Variants in DCAKD observed in about 807,000 individuals in gnomAD.
DCAKD encodes the protein dephospho-CoA kinase domain containing.
Under a neutral mutation model 18.7 loss-of-function variants are expected in DCAKD, and 15 were observed. The ratio of observed to expected loss-of-function variants is 0.80; its 90% CI spans 0.54 to 1.24. The LOEUF (loss-of-function observed/expected upper bound fraction) is 1.24. Ranked by LOEUF, DCAKD falls within the 50% of genes most tolerant of loss-of-function variation. The pLI is 0.00. For synonymous variants in DCAKD, 130 were observed against 133.0 expected (o/e 0.98, Z 0.16); for missense variants, 301 against 322.0 (o/e 0.93, Z 0.50).
chr17:45,035,928 C>A (rs1455135256), intron 1 of DCAKD, among the ~76,000 whole-genome samples: 4 of 152,204 alleles, frequency 2.6e-5, no homozygotes, highest in Non-Finnish European at 4.4e-5. Flanking sequence ...AGATGGGGAA[C>A]TGAGCCGCAA....
At position 45,034,731 on chromosome 17, in the gene DCAKD, G is replaced by A. The variant is rs762160202; in HGVS notation, c.112+43C>T. 5 of 1,595,814 alleles carry A rather than the reference G, an allele frequency of 3.1e-6. No homozygotes were observed. The African/African-American group carries it at 6.7e-5, about 21-fold the overall frequency. On this transcript the variant is annotated intron_variant, in intron 2 of 4. Transcript: ENST00000651974. ...GCATGGCAGAAGGCCGGAAGCGTGGGGAGCTGCTGTGCACGGCCCCCCAAC... is the reference window on the plus strand; with the variant it reads ...GCATGGCAGAAGGCCGGAAGCGTGGAGAGCTGCTGTGCACGGCCCCCCAAC...
chr17:45,059,167 G>A (rs2053820955), intron 1 of DCAKD, among the ~76,000 whole-genome samples: 1 of 152,094 alleles, frequency 6.6e-6, no homozygotes. Flanking sequence ...GTGAACCCGG[G>A]AGGCAGAGCT....
At chr17:45,056,478 ATT>A (rs945128930), upstream of DCAKD, among the ~76,000 whole-genome samples, 1 of 150,132 alleles carries the variant, frequency 6.7e-6, no homozygotes, top group Non-Finnish European at 1.5e-5. Context: ...TTTTATATAT[ATT>A]TTTTTTTTCC....
chr17:45,039,283 C>T (rs1237594619), intron 1 of DCAKD, among the ~76,000 whole-genome samples: 1 of 152,242 alleles, frequency 6.6e-6, no homozygotes, highest in Non-Finnish European at 1.5e-5. Context: ...CCTTTGATCA[C>T]CTGTGTTCAT....
chr17:45,024,700 C>T lies in DCAKD; in HGVS notation c.429G>A (p.Arg143=). ...VYCDRDTQLA[R]LMRRNSLNRK... is the part of the protein sequence containing the mutation. ...GGTTCAGGCTGTTCCGCCGCATCAG[C>T]CGTGCCAGCTGTGTGTCCCGGTCGC... The change falls in exon 5 of 5, where the codon CGG becomes CGA. Residue 143 remains arginine, a synonymous_variant. Coordinates refer to ENST00000651974, the MANE Select transcript of DCAKD (RefSeq NM_001288655.2). The T allele has an allele frequency of 6.3e-7, 1 of 1,588,966 alleles. No individual in the cohort carries two copies. Among genetic ancestry groups the T allele is most frequent in the Non-Finnish European group, 8.6e-7 (1 of 1,162,472 alleles).
At chr17:45,031,391 C>A (rs953905174) in intron 3 of DCAKD, 3 of 976,918 alleles carry the variant, frequency 3.1e-6, no homozygotes, top group Non-Finnish European at 3.6e-6. Context: ...CACCATGTGA[C>A]CTTGGGCCCC....
At chr17:45,033,772 G>T in intron 3 of DCAKD, 1 of 850,930 alleles carries the variant, frequency 1.2e-6, no homozygotes, top group Non-Finnish European at 1.5e-6. Flanking sequence ...GCCTCATGTT[G>T]GATTATTATC....
Position 45,030,088 on chromosome 17 carries a change from T to C in DCAKD, c.404+4A>G. 1.2e-6 allele frequency: 2 copies of C among 1,607,452 alleles called. No homozygotes were observed. The highest frequency in any genetic ancestry group is 1.7e-6 in the Non-Finnish European group (2 of 1,174,678). On this transcript the variant is annotated splice_donor_region_variant and intron_variant, in intron 4 of 4. Transcript: ENST00000651974. ...CTTCCAGCCAGGGCATGCTACACAC[T>C]CACCAGTATACTACCACGGTGTGCT...
At position 45,045,736 on chromosome 17, in the gene DCAKD, A is replaced by C. The variant is rs58449422; in HGVS notation, c.-115+5625T>G. Among the ~76,000 whole-genome samples, 1,010 of 150,888 alleles carry C rather than the reference A, an allele frequency of 6.7e-3. 6 individuals are homozygous for C. Among genetic ancestry groups the C allele is most frequent in the Admixed American group, 0.022 (333 of 14,962 alleles). ...AACAGAGCAAGACTCTGTCTCAAAA[A>C]AAAAAAAAAAAAAGATACTTGTTGA... On this transcript the variant is annotated intron_variant, in intron 1 of 4. Coordinates refer to ENST00000651974, the MANE Select transcript of DCAKD (RefSeq NM_001288655.2).
At chr17:45,036,963 C>T (rs566457336) in intron 1 of DCAKD, among the ~76,000 whole-genome samples, 1 of 152,262 alleles carries the variant, frequency 6.6e-6, no homozygotes, top group African/African-American at 2.4e-5. Flanking sequence ...GAGTTTGCCT[C>T]CCGTGAGGAC....
intron 1 of DCAKD, among the ~76,000 whole-genome samples, chr17:45,039,960 G>A (rs1038423906): frequency 6.6e-6 from 1 of 152,086 alleles, no homozygotes; most frequent in African/African-American, 2.4e-5. Context: ...GGGCGTGGTG[G>A]TGCATGCCTG....
chr17:45,025,088 G>C (rs2053028271), intron 4 of DCAKD, among the ~76,000 whole-genome samples: 1 of 150,994 alleles, frequency 6.6e-6, no homozygotes, highest in Admixed American at 6.6e-5. Context: ...CATAAGGTGG[G>C]AAGATTTCAT....
chr17:45,046,538 C>T (rs1277068839), intron 1 of DCAKD, among the ~76,000 whole-genome samples: 1 of 150,164 alleles, frequency 6.7e-6, no homozygotes, highest in Admixed American at 6.7e-5. Flanking sequence ...ATCGCTTAAA[C>T]CTGGGAGGTG....
At chr17:45,040,817 C>T (rs1317210740) in intron 1 of DCAKD, among the ~76,000 whole-genome samples, 1 of 152,168 alleles carries the variant, frequency 6.6e-6, no homozygotes, top group Admixed American at 6.5e-5. Context: ...TATTGTGCTC[C>T]ACAAGTGGTG....
intron 1 of DCAKD, among the ~76,000 whole-genome samples, chr17:45,038,167 C>A (rs2053348011): frequency 6.6e-6 from 1 of 151,936 alleles, no homozygotes; most frequent in South Asian, 2.1e-4. Context: ...ATCTCTGCCT[C>A]CTGGGTTCAA....
At chr17:45,060,131 GAAT>G (rs2053833152) in intron 1 of DCAKD, among the ~76,000 whole-genome samples, 1 of 150,780 alleles carries the variant, frequency 6.6e-6, no homozygotes, top group East Asian at 1.9e-4. Context: ...AACAAAGGTT[GAAT>G]AATAATAATA....
chr17:45,026,296 C>T (rs1242038354), intron 4 of DCAKD, among the ~76,000 whole-genome samples: 53 of 144,356 alleles, frequency 3.7e-4, no homozygotes, highest in East Asian at 2.1e-4. Context: ...GGTGCGATCT[C>T]GGCTCACTGC....
chr17:45,029,122 A>G (rs572705639), intron 4 of DCAKD, among the ~76,000 whole-genome samples: 1 of 152,342 alleles, frequency 6.6e-6, no homozygotes, highest in Non-Finnish European at 1.5e-5. Context: ...TAGCCTCTCA[A>G]ACAGGGAATG....
chr17:45,053,488 C>T (rs1440983853), upstream of DCAKD, among the ~76,000 whole-genome samples: 1 of 152,046 alleles, frequency 6.6e-6, no homozygotes, highest in Admixed American at 6.6e-5. Flanking sequence ...GTGGCATGAT[C>T]TCGGCTCACT....
Sources: gnomAD v4.1 joint callset for allele counts (sites outside exome capture counted in the v4.1 genomes callset) on GRCh38, gnomAD v4.1.1 for gene constraint, MANE v1.5 for transcripts, NCBI Gene and HGNC (gene_info 2026-07-23, HGNC 2026-07-21) for gene names.